MYO9A: variants seen among roughly 807,000 people sequenced by gnomAD.
The protein encoded by MYO9A is myosin IXA.
MYO9A carries 103 observed loss-of-function variants against 293.3 expected under a neutral mutation model. The ratio of observed to expected loss-of-function variants is 0.35; its 90% confidence interval spans 0.30 to 0.41. The LOEUF (loss-of-function observed/expected upper bound fraction) is 0.41, where lower values mean the gene tolerates loss of function less well. Ranked by LOEUF, MYO9A falls within the 10% of genes least tolerant of loss-of-function variation. The pLI is 1.00. For synonymous variants in MYO9A, 1,001 were observed against 1,035.7 expected (o/e 0.97, Z 0.64); for missense variants, 2,685 against 3,033.0 (o/e 0.89, Z 2.69).
intron 1 of MYO9A, among the ~76,000 whole-genome samples, chr15:72,101,337 TCGG>T (rs2080308134): frequency 2.6e-5 from 3 of 116,256 alleles, no homozygotes; most frequent in Non-Finnish European, 5.4e-5. Context: ...GGGAGGGAGG[TCGG>T]GGCGTCAGCC....
rs142121573 is a variant in MYO9A at position 71,850,107 on chromosome 15, C to T, written c.6642G>A (p.Ala2214=). ...MSANALAIVF[A]PCILRCPDTT... is the part of the protein sequence containing the mutation. ...TGTCAGGGCAGCGGAGAATGCAGGG[C>T]GCAAACACAATGGCCAAAGCATTAG... Residue 2214 remains alanine, a synonymous_variant, in exon 38 of 42, where the codon GCG becomes GCA. Transcript: ENST00000356056. The T allele has an allele frequency of 6.3e-5, 102 of 1,614,032 alleles. 1 individual carries two copies. The highest frequency in any genetic ancestry group is 5.6e-4 in the South Asian group (51 of 91,080).
At chr15:72,108,696 G>A (rs868679460) in intron 1 of MYO9A, among the ~76,000 whole-genome samples, 38 of 151,236 alleles carry the variant, frequency 2.5e-4, no homozygotes, top group Middle Eastern at 3.4e-3. Flanking sequence ...CTGGTGATAC[G>A]AAAAATATGT....
At chr15:71,960,704 T>C (rs1466336420) in intron 13 of MYO9A, among the ~76,000 whole-genome samples, 1 of 152,206 alleles carries the variant, frequency 6.6e-6, no homozygotes, top group African/African-American at 2.4e-5. Context: ...TTGATTTCTA[T>C]AATACATGTA....
intron 14 of MYO9A, chr15:71,959,176 A>G (rs1219305657): frequency 6.6e-6 from 1 of 152,210 alleles, no homozygotes; most frequent in African/African-American, 2.4e-5. Flanking sequence ...ACATCTACAA[A>G]GACCAGTTCA....
rs77279545 is a variant in MYO9A at position 71,956,862 on chromosome 15, T to C, written c.2182+3039A>G. ...ACACACACACACACACACACACAAATATATATATATATATATATATATCTT... is the reference window on the plus strand; with the variant it reads ...ACACACACACACACACACACACAAACATATATATATATATATATATATCTT... On this transcript the variant is annotated intron_variant, in intron 14 of 41. Coordinates refer to ENST00000356056, the MANE Select transcript of MYO9A (RefSeq NM_006901.4). 4.2e-3 allele frequency among the ~76,000 whole-genome samples: 82 copies of C among 19,638 alleles called. 1 individual carries two copies. Among genetic ancestry groups the C allele is most frequent in the East Asian group, 0.039 (19 of 488 alleles). 12.9% of individuals were successfully genotyped at this position (19,638 alleles called of 152,430 possible).
intron 4 of MYO9A, among the ~76,000 whole-genome samples, chr15:72,026,275 GAAAAAAAAAA>G (rs35491673): frequency 3.1e-5 from 2 of 63,500 alleles, no homozygotes; most frequent in Admixed American, 2.5e-4. Flanking sequence ...TCCGTCTCAA[GAAAAAAAAAA>G]AAAAAAAAAA....
At chr15:72,017,433 T>C (rs553116001) in intron 6 of MYO9A, among the ~76,000 whole-genome samples, 1 of 152,280 alleles carries the variant, frequency 6.6e-6, no homozygotes, top group African/African-American at 2.4e-5. Flanking sequence ...TGCAGTCCCC[T>C]ACCTGCTTTC....
intron 15 of MYO9A, chr15:71,950,486 T>C (rs925801551): frequency 6.6e-6 from 1 of 152,228 alleles, no homozygotes; most frequent in Non-Finnish European, 1.5e-5. Context: ...TTATAGACTA[T>C]TTTAAATAAT....
At chr15:71,849,956 C>T in intron 38 of MYO9A, 80 bp downstream of exon 38, 1 of 1,534,150 alleles carries the variant, frequency 6.5e-7, no homozygotes, top group Admixed American at 1.7e-5. Context: ...AACCCATTCA[C>T]TATGTTTGAT....
At chr15:72,111,094 G>A (rs1281870604) in intron 1 of MYO9A, among the ~76,000 whole-genome samples, 1 of 151,566 alleles carries the variant, frequency 6.6e-6, no homozygotes, top group Non-Finnish European at 1.5e-5. Context: ...GGGAGGCAGA[G>A]CTTGCAGTGA....
chr15:72,040,439 T>G (rs2078194350), intron 2 of MYO9A, among the ~76,000 whole-genome samples: 1 of 152,172 alleles, frequency 6.6e-6, no homozygotes, highest in South Asian at 2.1e-4. Context: ...CCTGTTTCTG[T>G]GTGAAGACTT....
At chr15:72,027,174 A>C (rs1241038093) in intron 4 of MYO9A, among the ~76,000 whole-genome samples, 1 of 152,238 alleles carries the variant, frequency 6.6e-6, no homozygotes, top group East Asian at 1.9e-4. Flanking sequence ...ATAGTTTTCT[A>C]TCTGTAAAAT....
rs182892099 is a variant in MYO9A, at chr15:72,112,265, C to T, written c.-72+5415G>A. On this transcript the variant is annotated intron_variant, in intron 1 of 41. Coordinates refer to ENST00000356056, the MANE Select transcript of MYO9A (RefSeq NM_006901.4). ...ACACAATTTTTAGCAAGCCAGCTGT[C>T]TATGACAGGACAGCTAGTCCATTCC... is the stretch of plus-strand genomic sequence containing the variant. Among the ~76,000 whole-genome samples the T allele has an allele frequency of 2.0e-4, 30 of 152,260 alleles. 1 individual carries two copies. Among genetic ancestry groups the T allele is most frequent in the Admixed American group, 1.6e-3 (24 of 15,298 alleles).
chr15:71,867,689 T>C (rs1311010676), intron 32 of MYO9A, among the ~76,000 whole-genome samples: 1 of 150,338 alleles, frequency 6.7e-6, no homozygotes, highest in East Asian at 1.9e-4. Flanking sequence ...TGTGTAGAGA[T>C]ACAAACTACA....
intron 1 of MYO9A, among the ~76,000 whole-genome samples, chr15:72,087,129 C>G (rs1416767170): frequency 6.6e-6 from 1 of 152,190 alleles, no homozygotes; most frequent in Non-Finnish European, 1.5e-5. Flanking sequence ...AGCCCAGGAG[C>G]TATGATGCAG....
chr15:72,034,781 A>C (rs960040175), intron 2 of MYO9A, among the ~76,000 whole-genome samples: 1 of 152,238 alleles, frequency 6.6e-6, no homozygotes, highest in Non-Finnish European at 1.5e-5. Flanking sequence ...TGGAGATACG[A>C]AATATGGATG....
intron 27 of MYO9A, among the ~76,000 whole-genome samples, chr15:71,886,809 T>C (rs2057034349): frequency 6.6e-6 from 1 of 152,116 alleles, no homozygotes. Flanking sequence ...ACTAAATATA[T>C]ATAATCTATT....
intron 4 of MYO9A, among the ~76,000 whole-genome samples, chr15:72,025,464 G>A (rs145172901): frequency 6.6e-6 from 1 of 152,080 alleles, no homozygotes; most frequent in Non-Finnish European, 1.5e-5. Flanking sequence ...AGGTTCAGGC[G>A]ATTCTCCTGA....
intron 2 of MYO9A, among the ~76,000 whole-genome samples, chr15:72,032,841 T>A (rs2077918284): frequency 6.6e-6 from 1 of 152,038 alleles, no homozygotes; most frequent in Non-Finnish European, 1.5e-5. Context: ...ATAATTTTAT[T>A]TTATGTTATT....
Sources: gnomAD v4.1 joint callset for allele counts (sites outside exome capture counted in the v4.1 genomes callset) on GRCh38, gnomAD v4.1.1 for gene constraint, MANE v1.5 for transcripts, NCBI Gene and HGNC (gene_info 2026-07-23, HGNC 2026-07-21) for gene names.